TWIST2: variants seen among roughly 807,000 people sequenced by gnomAD.
TWIST2 encodes the protein twist family bHLH transcription factor 2, also known as twist-related protein 2.
In TWIST2, 1 loss-of-function variant was observed where a neutral mutation model predicts 11.6. The ratio of observed to expected loss-of-function variants is 0.09; its 90% CI spans 0.03 to 0.41. TWIST2 has a LOEUF of 0.41. Among genes scored for constraint, TWIST2 ranks in the 10% least tolerant of loss-of-function variants. The pLI is 0.98. For synonymous variants in TWIST2, 87 were observed against 96.6 expected (o/e 0.90, Z 0.58); for missense variants, 168 against 226.4 (o/e 0.74, Z 1.66).
chr2:238,883,490 G>C (rs1692975200), intron 1 of TWIST2, among the ~76,000 whole-genome samples: 1 of 152,224 alleles, frequency 6.6e-6, no homozygotes. Context: ...AGAAAGTGAG[G>C]GGAGAAGGGA....
chr2:238,867,370 A>AACACACGCAC lies in TWIST2; in HGVS notation c.*35+18643_*35+18644insGCACACACAC, dbSNP rs1692559962. ...CTGGGGAGTAAAATGTCCTGCCTTC[A>AACACACGCAC]ACACACACACACACACACACACACA... is the stretch of plus-strand genomic sequence containing the variant. On this transcript the variant is annotated intron_variant, in intron 1 of 1. Transcript: ENST00000612363. This position sits in a 1 kb window ranked among gnomAD's most constrained non-coding sequence, Gnocchi z 4.8. Among the ~76,000 whole-genome samples the AACACACGCAC allele has an allele frequency of 8.4e-6, 1 of 119,634 alleles. No individual in the cohort carries two copies. Among genetic ancestry groups the AACACACGCAC allele is most frequent in the Non-Finnish European group, 1.7e-5 (1 of 58,886 alleles). 78.5% of individuals were successfully genotyped at this position (119,634 alleles called of 152,430 possible).
At chr2:238,850,297 G>C (rs1692221403) in intron 1 of TWIST2, among the ~76,000 whole-genome samples, 1 of 152,220 alleles carries the variant, frequency 6.6e-6, no homozygotes, top group Non-Finnish European at 1.5e-5. Flanking sequence ...GGAAAGTTTG[G>C]ATTGGCTGAG....
chr2:238,879,966 C>A (rs1481847736), intron 1 of TWIST2, among the ~76,000 whole-genome samples: 11 of 152,214 alleles, frequency 7.2e-5, no homozygotes. Flanking sequence ...AATGAATTCC[C>A]TATGGAGAGT....
intron 1 of TWIST2, among the ~76,000 whole-genome samples, chr2:238,905,950 C>T (rs1480365025): frequency 0.14 from 16,746 of 119,452 alleles, 948 homozygotes; most frequent in South Asian, 0.21. Context: ...TGTGCGCGCG[C>T]GTGTGTACGT....
intron 1 of TWIST2, among the ~76,000 whole-genome samples, chr2:238,889,957 GA>G (rs1372211431): frequency 0.012 from 281 of 23,120 alleles, no homozygotes; most frequent in Middle Eastern, 0.077. Flanking sequence ...TGCCTGGGTG[GA>G]GGCTGCCCAG....
chr2:238,904,499 C>T (rs1483769518), intron 1 of TWIST2, among the ~76,000 whole-genome samples: 1 of 150,926 alleles, frequency 6.6e-6, no homozygotes, highest in East Asian at 1.9e-4. Context: ...GTGTGTGTGT[C>T]TGACTAGAGA....
chr2:238,870,402 CAT>C (rs1692647211), intron 1 of TWIST2, among the ~76,000 whole-genome samples: 1 of 30,740 alleles, frequency 3.3e-5, no homozygotes. Context: ...CCCACACACA[CAT>C]CACATACCAC....
intron 1 of TWIST2, among the ~76,000 whole-genome samples, chr2:238,889,031 G>A: frequency 6.6e-6 from 1 of 152,210 alleles, no homozygotes; most frequent in East Asian, 1.9e-4. Flanking sequence ...CCTTGGGTCT[G>A]TCCTGGTCAC....
chr2:238,892,520 G>T (rs1248300001), intron 1 of TWIST2, among the ~76,000 whole-genome samples: 1 of 151,810 alleles, frequency 6.6e-6, no homozygotes, highest in East Asian at 1.9e-4. Flanking sequence ...TTGCTCTGTC[G>T]CCCAGGCTGG....
intron 1 of TWIST2, chr2:238,887,321 T>C (rs559508353): frequency 2.6e-5 from 4 of 152,236 alleles, no homozygotes; most frequent in African/African-American, 9.6e-5. Context: ...CAGTTAAGCT[T>C]TTTCATGGGC....
intron 1 of TWIST2, among the ~76,000 whole-genome samples, chr2:238,896,105 G>A (rs1287550885): frequency 1.3e-5 from 2 of 152,138 alleles, no homozygotes; most frequent in African/African-American, 4.8e-5. Flanking sequence ...TCCTTCTCAG[G>A]CGCAGCAGGC....
rs1692559250 is a variant in TWIST2 at position 238,867,368 on chromosome 2, T to TA, written c.*35+18635_*35+18636insA. On this transcript the variant is annotated intron_variant, in intron 1 of 1. Transcript: ENST00000612363. This position sits in a 1 kb window ranked among gnomAD's most constrained non-coding sequence, Gnocchi z 4.8. Reference sequence around the variant, plus strand: ...TTCTGGGGAGTAAAATGTCCTGCCTTCAACACACACACACACACACACACA... The same window carrying TA: ...TTCTGGGGAGTAAAATGTCCTGCCTTACAACACACACACACACACACACACA... 7.7e-5 allele frequency among the ~76,000 whole-genome samples: 2 copies of TA among 26,098 alleles called. No homozygotes were observed. The highest frequency in any genetic ancestry group is 1.7e-4 in the Non-Finnish European group (2 of 11,852). The allele number at this position is 26,098 out of a possible 152,430, so 17.1% of individuals were successfully genotyped here. A position where few individuals can be genotyped will look rare whatever the true frequency, so the allele number is the denominator to read the frequency against.
At chr2:238,850,010 T>C (rs1692217629) in intron 1 of TWIST2, among the ~76,000 whole-genome samples, 1 of 152,216 alleles carries the variant, frequency 6.6e-6, no homozygotes, top group African/African-American at 2.4e-5. Flanking sequence ...CCGCCTATTC[T>C]CCCAAACATA....
chr2:238,858,659 C>T (rs1334503158), intron 1 of TWIST2, among the ~76,000 whole-genome samples: 1 of 152,162 alleles, frequency 6.6e-6, no homozygotes, highest in Non-Finnish European at 1.5e-5. Context: ...GCCTCAGTTT[C>T]CCCGTCTGTA....
rs1692166947 is a variant in TWIST2, at chr2:238,848,208, C to A, written c.-8C>A. The A allele has an allele frequency of 2.3e-6, 3 of 1,299,674 alleles. No individual in the cohort carries two copies. Among genetic ancestry groups the A allele is most frequent in the African/African-American group, 3.1e-5 (2 of 64,916 alleles). The allele number at this position is 1,299,674 out of a possible 1,614,324, so 80.5% of individuals were successfully genotyped here. A position where few individuals can be genotyped will look rare whatever the true frequency, so the allele number is the denominator to read the frequency against. On this transcript the variant is annotated 5_prime_UTR_variant, in exon 1 of 2. Transcript: ENST00000612363. ...CGCCCCCAGCCCCACGCGCGCCGGG[C>A]GGGCGCCATGGAGGAGGGCTCCAGC...
intron 1 of TWIST2, among the ~76,000 whole-genome samples, chr2:238,853,462 AG>A: frequency 6.6e-6 from 1 of 151,242 alleles, no homozygotes; most frequent in Admixed American, 6.6e-5. Flanking sequence ...AGAGAGAGAG[AG>A]AGAGAGAGAG....
chr2:238,878,188 C>G (rs912766358), intron 1 of TWIST2, among the ~76,000 whole-genome samples: 1 of 152,160 alleles, frequency 6.6e-6, no homozygotes. Context: ...GCCCTCTCCC[C>G]CACTGTACCC....
At chr2:238,904,981 GA>G (rs1220543398) in intron 1 of TWIST2, among the ~76,000 whole-genome samples, 2 of 151,258 alleles carry the variant, frequency 1.3e-5, no homozygotes, top group African/African-American at 4.9e-5. Context: ...AAGAGAGAAA[GA>G]AAAAAAGAAG....
At chr2:238,875,736 C>A (rs1055017184) in intron 1 of TWIST2, among the ~76,000 whole-genome samples, 51 of 152,178 alleles carry the variant, frequency 3.4e-4, no homozygotes, top group African/African-American at 1.2e-3. Flanking sequence ...AGCCGAGTTT[C>A]TGGGGGTCAT....
Sources: allele counts gnomAD v4.1 joint callset (sites outside exome capture counted in the v4.1 genomes callset), GRCh38; gene constraint gnomAD v4.1.1; non-coding constraint Gnocchi (gnomAD v3.1); transcripts MANE v1.5; gene names NCBI Gene and HGNC (gene_info 2026-07-23, HGNC 2026-07-21).